CPM: variants seen among roughly 807,000 people sequenced by gnomAD.
CPM encodes the protein renal carboxypeptidase.
In CPM, 35 loss-of-function variants were observed where a neutral mutation model predicts 46.4. The observed-to-expected ratio is 0.75, with a 90% CI of 0.58 to 1.00. The LOEUF (loss-of-function observed/expected upper bound fraction) is 1.00. CPM is among the 50% of genes least tolerant of loss of function. CPM has a pLI of 0.00. For missense variants in CPM, 422 were observed against 530.4 expected, an observed-to-expected ratio of 0.80 and a Z score of 2.01; for synonymous variants, 195 against 195.3, an observed-to-expected ratio of 1.00 and a Z score of 0.01.
rs78997591 is a variant in CPM at position 68,885,498 on chromosome 12, G to A, written c.258+294C>T. Among the ~76,000 whole-genome samples the A allele has an allele frequency of 6.4e-3, 967 of 152,282 alleles. 11 individuals are homozygous for A. Among genetic ancestry groups the A allele is most frequent in the African/African-American group, 0.022 (927 of 41,530 alleles). Reference sequence around the variant, plus strand: ...ACCCAGAAAGGAGATGCAGGGATTGGCTGGCAGAAGTTCAGGGCTGGGGAA... The same window carrying A: ...ACCCAGAAAGGAGATGCAGGGATTGACTGGCAGAAGTTCAGGGCTGGGGAA... On this transcript the variant is annotated intron_variant, in intron 3 of 8. Transcript: ENST00000551568.
intron 1 of CPM, among the ~76,000 whole-genome samples, chr12:68,939,933 GTTC>G (rs1051479495): frequency 2.6e-5 from 4 of 151,830 alleles, no homozygotes; most frequent in South Asian, 2.1e-4. Flanking sequence ...AACATTTATT[GTTC>G]TTCTTTTAAA....
At chr12:68,897,145 C>G (rs1236179346) in intron 2 of CPM, among the ~76,000 whole-genome samples, 1 of 152,114 alleles carries the variant, frequency 6.6e-6, no homozygotes, top group African/African-American at 2.4e-5. Flanking sequence ...ATAAACCTGT[C>G]CTGCTTCCTC....
chr12:68,928,987 C>T (rs1251900966), intron 2 of CPM, among the ~76,000 whole-genome samples: 2 of 151,232 alleles, frequency 1.3e-5, no homozygotes, highest in Admixed American at 6.6e-5. Context: ...GGATTATAGA[C>T]GTGAGCCACC....
chr12:68,947,044 T>C (rs534961530), intron 1 of CPM, among the ~76,000 whole-genome samples: 1 of 152,308 alleles, frequency 6.6e-6, no homozygotes, highest in African/African-American at 2.4e-5. Flanking sequence ...ACATAAGCTC[T>C]CCATGAAAGT....
intron 1 of CPM, among the ~76,000 whole-genome samples, chr12:68,954,755 T>C (rs571601608): frequency 1.7e-4 from 26 of 152,328 alleles, no homozygotes; most frequent in Admixed American, 3.3e-4. Flanking sequence ...TTTTTTTAGC[T>C]TTCTTAGGTA....
At chr12:68,920,057 G>A (rs1053311476) in intron 2 of CPM, among the ~76,000 whole-genome samples, 14 of 152,064 alleles carry the variant, frequency 9.2e-5, no homozygotes, top group African/African-American at 2.7e-4. Context: ...GTTTAAAAGC[G>A]TGTGGCACCT....
Position 68,856,219 on chromosome 12 carries a change from GGTAA to G in CPM, c.*214_*217del. The G allele has an allele frequency of 1.8e-6, 1 of 557,546 alleles. No homozygotes were observed. The highest frequency in any genetic ancestry group is 2.9e-5 in the East Asian group (1 of 34,200). 34.5% of individuals were successfully genotyped at this position (557,546 alleles called of 1,614,324 possible). A position where few individuals can be genotyped will look rare whatever the true frequency, so the allele number is the denominator to read the frequency against. On this transcript the variant is annotated 3_prime_UTR_variant, in exon 9 of 9. Coordinates refer to ENST00000551568, the MANE Select transcript of CPM (RefSeq NM_198320.5). ...GAGTGTAAATGAGCAGTACTTGTTA[GGTAA>G]GTGTCTTCCATTCACCGTCAAGACT...
chr12:68,861,896 T>G (rs1885232881), intron 7 of CPM, among the ~76,000 whole-genome samples: 1 of 123,318 alleles, frequency 8.1e-6, no homozygotes, highest in Non-Finnish European at 1.6e-5. Context: ...TAATGAGTAG[T>G]TGGCAGAAGA....
At chr12:68,927,366 T>C (rs1888313198) in intron 2 of CPM, among the ~76,000 whole-genome samples, 1 of 152,122 alleles carries the variant, frequency 6.6e-6, no homozygotes, top group Admixed American at 6.5e-5. Flanking sequence ...TGTCTTCTTT[T>C]GAGAAGTGTC....
At chr12:68,899,215 TG>T (rs1887014202) in intron 2 of CPM, among the ~76,000 whole-genome samples, 1 of 152,228 alleles carries the variant, frequency 6.6e-6, no homozygotes, top group Non-Finnish European at 1.5e-5. Flanking sequence ...TCCTTCAAAA[TG>T]TATTAGCACA....
At chr12:68,914,044 C>A in intron 2 of CPM, 1 of 693,822 alleles carries the variant, frequency 1.4e-6, no homozygotes. Flanking sequence ...CTATTCCATT[C>A]CTCAGGTATA....
intron 3 of CPM, among the ~76,000 whole-genome samples, chr12:68,881,159 G>A (rs556125857): frequency 2.0e-5 from 3 of 152,268 alleles, no homozygotes; most frequent in Admixed American, 2.0e-4. Flanking sequence ...TCAATCAAAT[G>A]AACCTATCGT....
chr12:68,929,688 A>G (rs1343422524), intron 2 of CPM, among the ~76,000 whole-genome samples: 3 of 152,220 alleles, frequency 2.0e-5, no homozygotes, highest in Non-Finnish European at 4.4e-5. Context: ...GACATGTATC[A>G]ATGGTTTTAT....
Position 68,879,669 on chromosome 12 carries a change from C to A in CPM, c.258+6123G>T, listed in dbSNP as rs78744854. On this transcript the variant is annotated intron_variant, in intron 3 of 8. Transcript: ENST00000551568. ...TATGAGCCACCATGCCTGGCCTGGG[C>A]ACCCAATTCTTTAAGCACACAGTCA... 3.3e-3 allele frequency among the ~76,000 whole-genome samples: 502 copies of A among 152,274 alleles called. 1 individual carries two copies. Among genetic ancestry groups the A allele is most frequent in the Non-Finnish European group, 5.1e-3 (344 of 68,016 alleles).
rs766289045 is a variant in CPM at position 68,856,617 on chromosome 12, G to T, written c.1152C>A (p.Asn384Lys). The T allele has an allele frequency of 2.5e-6, 4 of 1,614,232 alleles. No individual in the cohort carries two copies. Among genetic ancestry groups the T allele is most frequent in the Non-Finnish European group, 3.4e-6 (4 of 1,180,016 alleles). The change falls in exon 9 of 9, where the codon AAC (asparagine) becomes AAA (lysine). Residue 384 changes from asparagine (N) to lysine (K), a missense_variant. By Grantham distance (94) the Asn-to-Lys change is moderately conservative. Transcript: ENST00000551568. Reference sequence around the variant, plus strand: ...GAATATCCTTTTTAAGAGCACTGAAGTTCTGGGATTTCTCCGGAATAATCA... The same window carrying T: ...GAATATCCTTTTTAAGAGCACTGAATTTCTGGGATTTCTCCGGAATAATCA... ...TKVIIPEKSQ[N>K]FSALKKDILL...
intron 1 of CPM, among the ~76,000 whole-genome samples, chr12:68,950,451 G>A (rs901717496): frequency 6.6e-6 from 1 of 152,290 alleles, no homozygotes; most frequent in East Asian, 1.9e-4. Flanking sequence ...TATCAATTTA[G>A]CTAAACTGGA....
At chr12:68,866,863 T>C (rs1179845449) in intron 7 of CPM, 33 bp downstream of exon 7, 2 of 1,582,500 alleles carry the variant, frequency 1.3e-6, no homozygotes, top group Non-Finnish European at 1.7e-6. Flanking sequence ...CTATTTTGTA[T>C]TAATAGGGAA....
intron 2 of CPM, among the ~76,000 whole-genome samples, chr12:68,887,063 T>C (rs1886467701): frequency 6.6e-6 from 1 of 152,214 alleles, no homozygotes; most frequent in Non-Finnish European, 1.5e-5. Flanking sequence ...AGCCAAGAAC[T>C]GAACTCTGGT....
At chr12:68,918,729 A>C (rs1334459961) in intron 2 of CPM, among the ~76,000 whole-genome samples, 1 of 152,094 alleles carries the variant, frequency 6.6e-6, no homozygotes, top group Non-Finnish European at 1.5e-5. Flanking sequence ...CTCCATTCCT[A>C]ACAGAGCATC....
Sources: gnomAD v4.1 joint callset for allele counts (sites outside exome capture counted in the v4.1 genomes callset) on GRCh38, gnomAD v4.1.1 for gene constraint, MANE v1.5 for transcripts, NCBI Gene and HGNC (gene_info 2026-07-23, HGNC 2026-07-21) for gene names.